IFT70B: variants seen among roughly 807,000 people sequenced by gnomAD.
IFT70B encodes the protein intraflagellar transport protein 70B.
the IFT70B span, chr2:177,552,552 A>T: frequency 1.3e-6 from 2 of 1,599,434 alleles, no homozygotes; most frequent in South Asian, 2.2e-5. Flanking sequence ...CAGCTGGCCC[A>T]GCTGCTCATA....
the IFT70B span, chr2:177,552,506 G>C: frequency 3.7e-6 from 6 of 1,605,786 alleles, no homozygotes; most frequent in Middle Eastern, 5.0e-4. Flanking sequence ...ACAGGGCCTG[G>C]GCCTGGTACA....
the IFT70B span, chr2:177,551,962 C>T: frequency 3.7e-6 from 6 of 1,614,074 alleles, no homozygotes; most frequent in South Asian, 2.2e-5. Flanking sequence ...TGAGCTGCCT[C>T]ATAGTTTCTC....
the IFT70B span, chr2:177,552,170 A>C: frequency 6.2e-7 from 1 of 1,614,240 alleles, no homozygotes. Context: ...GGCTGCTGTA[A>C]TAGGCCAAAG....
At chr2:177,550,503 G>C in the IFT70B span, 1 of 306,816 alleles carries the variant, frequency 3.3e-6, no homozygotes. Context: ...AAAGATAACA[G>C]AGGAAAGGAA....
the IFT70B span, chr2:177,550,768 A>C: frequency 6.3e-7 from 1 of 1,596,094 alleles, no homozygotes; most frequent in Non-Finnish European, 8.5e-7. Flanking sequence ...AGCTATTACT[A>C]TATATTCCAT....
the IFT70B span, chr2:177,551,195 CT>C: frequency 6.2e-7 from 1 of 1,613,666 alleles, no homozygotes; most frequent in East Asian, 2.2e-5. Flanking sequence ...CCTTTTCAAT[CT>C]TCCTCATCAA....
At chr2:177,552,786 G>C in the IFT70B span, 1 of 1,503,892 alleles carries the variant, frequency 6.6e-7, no homozygotes, top group African/African-American at 1.4e-5. Context: ...TGTTATGGGT[G>C]CGGTTACTAT....
chr2:177,549,287 T>C, the IFT70B span: 5 of 152,222 alleles, frequency 3.3e-5, no homozygotes, highest in Admixed American at 6.5e-5. Context: ...TAAAATGCCA[T>C]AAATTCAAAA....
chr2:177,552,291 A>G, the IFT70B span: 1 of 1,614,094 alleles, frequency 6.2e-7, no homozygotes, highest in African/African-American at 1.3e-5. Context: ...ACCCAGGTTG[A>G]TCTGGCCATC....
chr2:177,552,770 C>T, the IFT70B span: 9 of 1,538,038 alleles, frequency 5.9e-6, no homozygotes, highest in Admixed American at 1.8e-4. Context: ...CCATAACCAC[C>T]ACGGCTGTTA....
chr2:177,551,865 G>T, the IFT70B span: 1 of 1,614,236 alleles, frequency 6.2e-7, no homozygotes, highest in South Asian at 1.1e-5. Flanking sequence ...TGTAGGCCTG[G>T]CATCCATGTT....
At chr2:177,551,866 C>T in the IFT70B span, 1 of 1,614,252 alleles carries the variant, frequency 6.2e-7, no homozygotes, top group East Asian at 2.2e-5. Flanking sequence ...GTAGGCCTGG[C>T]ATCCATGTTC....
chr2:177,551,872 T>C, the IFT70B span: 5 of 1,614,256 alleles, frequency 3.1e-6, no homozygotes, highest in South Asian at 2.2e-5. Flanking sequence ...CTGGCATCCA[T>C]GTTCATTAGT....
At chr2:177,552,213 G>C in the IFT70B span, 1 of 1,614,224 alleles carries the variant, frequency 6.2e-7, no homozygotes, top group South Asian at 1.1e-5. Context: ...CTGGTAGCCC[G>C]AGGCCTGCAG....
At chr2:177,552,744 G>C in the IFT70B span, 1 of 1,575,380 alleles carries the variant, frequency 6.3e-7, no homozygotes, top group Non-Finnish European at 8.6e-7. Flanking sequence ...GGGGATCTGC[G>C]CGCCGCTCAG....
the IFT70B span, chr2:177,552,130 C>T: frequency 4.3e-6 from 7 of 1,614,108 alleles, no homozygotes; most frequent in East Asian, 8.9e-5. Flanking sequence ...ATAATCTCAG[C>T]GATATGCTTC....
At chr2:177,552,772 C>A in the IFT70B span, 4 of 1,533,888 alleles carry the variant, frequency 2.6e-6, no homozygotes. Flanking sequence ...ATAACCACCA[C>A]GGCTGTTATG....
At chr2:177,550,723 T>G in the IFT70B span, 8 of 1,502,192 alleles carry the variant, frequency 5.3e-6, 1 homozygote, top group East Asian at 1.8e-4. Context: ...CGATGCAAAT[T>G]TACATAACAA....
chr2:177,551,667 A>C, the IFT70B span: 1 of 1,614,232 alleles, frequency 6.2e-7, no homozygotes, highest in Non-Finnish European at 8.5e-7. Context: ...CTGGCAAGTG[A>C]TCACAGCGTC....
Sources: allele counts gnomAD v4.1 joint callset, GRCh38; gene constraint gnomAD v4.1.1; transcripts MANE v1.5; gene names NCBI Gene and HGNC (gene_info 2026-07-23, HGNC 2026-07-21).